Variants in CDC14A observed in about 807,000 individuals in gnomAD.
CDC14A encodes cell division cycle 14A.
Under a neutral mutation model 74.4 loss-of-function variants are expected in CDC14A, and 53 were observed. That is an observed-to-expected ratio of 0.71 (90% CI 0.57 to 0.89). The LOEUF is 0.89. Among genes scored for constraint, CDC14A ranks in the 40% least tolerant of loss-of-function variants. The probability of loss-of-function intolerance (pLI) is 0.00; values close to 1 mark genes in which losing one functional copy is unlikely to be tolerated. For missense variants in CDC14A, 646 were observed against 713.7 expected, an observed-to-expected ratio of 0.91 and a Z score of 1.08; for synonymous variants, 247 against 258.4, an observed-to-expected ratio of 0.96 and a Z score of 0.43.
At chr1:100,356,818 C>T (rs1344103916) in intron 2 of CDC14A, among the ~76,000 whole-genome samples, 3 of 147,164 alleles carry the variant, frequency 2.0e-5, no homozygotes, top group African/African-American at 7.7e-5. Context: ...TGAGATTGCG[C>T]CACTGCACTC....
intron 2 of CDC14A, among the ~76,000 whole-genome samples, chr1:100,371,418 A>G (rs373240098): frequency 6.6e-6 from 1 of 152,082 alleles, no homozygotes; most frequent in South Asian, 2.1e-4. Context: ...ATTCAGTATG[A>G]TGTTGGTTGT....
At chr1:100,390,368 G>A (rs549494990) in intron 3 of CDC14A, among the ~76,000 whole-genome samples, 1 of 152,298 alleles carries the variant, frequency 6.6e-6, no homozygotes, top group Admixed American at 6.5e-5. Context: ...ATTCCTGGGA[G>A]TTGGAGTGGC....
chr1:100,382,211 CTTTTTTT>C (rs557184435), intron 3 of CDC14A, among the ~76,000 whole-genome samples: 2 of 105,162 alleles, frequency 1.9e-5, no homozygotes, highest in South Asian at 3.0e-4. Context: ...TTCCTCTATT[CTTTTTTT>C]TTTTTTTTTT....
rs1650565486 is a variant in CDC14A, at chr1:100,520,144, A to G, written c.*1864A>G. On this transcript the variant is annotated 3_prime_UTR_variant, in exon 16 of 16. Coordinates refer to ENST00000336454, the MANE Select transcript of CDC14A (RefSeq NM_003672.4). ...AATATAGAAAGTATATAGCAAAGTA[A>G]TTTTACTCTGATAATAAAAATTGTT... 6.6e-6 allele frequency: 1 copy of G among 152,556 alleles called. No individual in the cohort carries two copies. The highest frequency in any genetic ancestry group is 2.1e-4 in the South Asian group (1 of 4,836). The allele number at this position is 152,556 out of a possible 1,614,324, so 9.5% of individuals were successfully genotyped here.
chr1:100,513,351 T>C (rs1389698148), intron 15 of CDC14A, among the ~76,000 whole-genome samples: 1 of 152,182 alleles, frequency 6.6e-6, no homozygotes. Context: ...TTATTTTAGG[T>C]TCTTTTTGCC....
At chr1:100,396,408 T>A (rs1658495282) in intron 4 of CDC14A, among the ~76,000 whole-genome samples, 1 of 152,222 alleles carries the variant, frequency 6.6e-6, no homozygotes, top group South Asian at 2.1e-4. Context: ...TCTGTAAGTA[T>A]CTTTTGAGTG....
At chr1:100,434,709 T>C (rs752761878) in intron 5 of CDC14A, among the ~76,000 whole-genome samples, 2 of 152,128 alleles carry the variant, frequency 1.3e-5, no homozygotes, top group Non-Finnish European at 2.9e-5. Flanking sequence ...CAGGGAGCGC[T>C]GCAAGACTGG....
intron 7 of CDC14A, among the ~76,000 whole-genome samples, chr1:100,448,215 A>G (rs1220955763): frequency 6.6e-6 from 1 of 152,242 alleles, no homozygotes; most frequent in Non-Finnish European, 1.5e-5. Flanking sequence ...AAGTTGAAAA[A>G]TGACTTCAAA....
upstream of CDC14A, among the ~76,000 whole-genome samples, chr1:100,348,842 C>T (rs77355199): frequency 0.14 from 21,115 of 152,160 alleles, 1,797 homozygotes; most frequent in Non-Finnish European, 0.18. Context: ...TGCACAAGCA[C>T]GGGTTGCAGG....
intron 15 of CDC14A, among the ~76,000 whole-genome samples, chr1:100,512,506 A>C (rs938902084): frequency 9.2e-5 from 14 of 152,174 alleles, no homozygotes; most frequent in Non-Finnish European, 1.9e-4. Flanking sequence ...AGAGAAAATA[A>C]ATTTTAACTG....
At chr1:100,491,705 G>A (rs1452241699) in intron 11 of CDC14A, among the ~76,000 whole-genome samples, 1 of 147,964 alleles carries the variant, frequency 6.8e-6, no homozygotes, top group East Asian at 2.0e-4. Context: ...CCAAGTAGCT[G>A]GGATTACAGG....
intron 2 of CDC14A, among the ~76,000 whole-genome samples, chr1:100,357,099 G>C (rs1355335558): frequency 6.6e-6 from 1 of 152,002 alleles, no homozygotes; most frequent in Non-Finnish European, 1.5e-5. Flanking sequence ...AATTGGCTTT[G>C]GTGGGAAGAT....
At chr1:100,482,220 A>C (rs1224400854) in intron 10 of CDC14A, among the ~76,000 whole-genome samples, 1 of 152,118 alleles carries the variant, frequency 6.6e-6, no homozygotes, top group Non-Finnish European at 1.5e-5. Context: ...CTAGCCTCTT[A>C]TGTCCTTCTC....
intron 4 of CDC14A, among the ~76,000 whole-genome samples, chr1:100,406,768 C>CA (rs1178092436): frequency 1.3e-5 from 2 of 151,202 alleles, no homozygotes; most frequent in African/African-American, 2.4e-5. Context: ...ACTAAAAATA[C>CA]AAAAAAAATT....
At chr1:100,364,928 T>TTA (rs1653359644) in intron 2 of CDC14A, among the ~76,000 whole-genome samples, 1 of 152,186 alleles carries the variant, frequency 6.6e-6, no homozygotes. Flanking sequence ...CTCACTTATT[T>TTA]TACAGAAACA....
chr1:100,365,438 G>A lies in CDC14A; in HGVS notation c.140+11586G>A, dbSNP rs557313974. On this transcript the variant is annotated intron_variant, in intron 2 of 15. Transcript: ENST00000336454. ...TAGACTCTGTAGAGTCTATATAGCG[G>A]CTAGAACTGTGATATATGATATTAC... is the stretch of plus-strand genomic sequence containing the variant. Among the ~76,000 whole-genome samples, 3 of 152,344 alleles carry A rather than the reference G, an allele frequency of 2.0e-5. No homozygotes were observed. In the East Asian group the frequency reaches 5.8e-4, roughly 29 times the overall value.
At chr1:100,491,572 ATTT>A (rs59429516) in intron 11 of CDC14A, among the ~76,000 whole-genome samples, 50 of 25,084 alleles carry the variant, frequency 2.0e-3, no homozygotes, top group African/African-American at 6.9e-3. Flanking sequence ...ATATATATAT[ATTT>A]TTTTTTTTTT....
At chr1:100,498,759 A>G (rs1477406454) in intron 14 of CDC14A, among the ~76,000 whole-genome samples, 170 bp from the exon 15 acceptor site, 1 of 152,224 alleles carries the variant, frequency 6.6e-6, no homozygotes, top group Admixed American at 6.5e-5. Flanking sequence ...GCTACATATT[A>G]TCATAACACC....
At chr1:100,486,802 A>G (rs1292568016) in intron 11 of CDC14A, among the ~76,000 whole-genome samples, 1 of 152,344 alleles carries the variant, frequency 6.6e-6, no homozygotes, top group East Asian at 1.9e-4. Flanking sequence ...TGGTATGGTG[A>G]ATATTTTACA....
Sources: allele counts gnomAD v4.1 joint callset (sites outside exome capture counted in the v4.1 genomes callset), GRCh38; gene constraint gnomAD v4.1.1; transcripts MANE v1.5; gene names NCBI Gene and HGNC (gene_info 2026-07-23, HGNC 2026-07-21).